Variants in ZDHHC14 observed in about 807,000 individuals in gnomAD.
The protein encoded by ZDHHC14 is zDHHC palmitoyltransferase 14.
A neutral mutation model predicts 47.7 loss-of-function variants in ZDHHC14; 16 were observed. That is an observed-to-expected ratio of 0.34 (90% confidence interval 0.23 to 0.51). The LOEUF (loss-of-function observed/expected upper bound fraction) is 0.51, where lower values mean the gene tolerates loss of function less well. ZDHHC14 is among the 20% of genes least tolerant of loss of function. The probability of loss-of-function intolerance (pLI) is 0.97; values close to 1 mark genes in which losing one functional copy is unlikely to be tolerated. For synonymous variants in ZDHHC14, 293 were observed against 278.9 expected, an observed-to-expected ratio of 1.05 and a Z score of -0.50; for missense variants, 515 against 662.5, an observed-to-expected ratio of 0.78 and a Z score of 2.44.
chr6:157,447,409 C>T (rs140523913), intron 1 of ZDHHC14, among the ~76,000 whole-genome samples: 84 of 152,304 alleles, frequency 5.5e-4, no homozygotes, highest in African/African-American at 1.9e-3. Flanking sequence ...GAGCCCCTTA[C>T]GGAGGCTGCA....
chr6:157,383,751 G>C (rs1777259082), intron 1 of ZDHHC14, among the ~76,000 whole-genome samples: 1 of 152,200 alleles, frequency 6.6e-6, no homozygotes, highest in Non-Finnish European at 1.5e-5. Flanking sequence ...TTTAGGTTCT[G>C]TGTCTGTTTG....
Position 157,542,653 on chromosome 6 carries a change from T to C in ZDHHC14, c.314T>C (p.Val105Ala), listed in dbSNP as rs1407764708. 2 of 1,614,070 alleles carry C rather than the reference T, an allele frequency of 1.2e-6. No individual in the cohort carries two copies. Among genetic ancestry groups the C allele is most frequent in the Admixed American group, 3.3e-5 (2 of 60,004 alleles). ...PAVAGILFFF[V>A]MGTLLRTSFS... ...GTCGCTGGCATCCTGTTCTTCTTTG[T>C]GATGGGGACCCTGCTCCGCACCAGC... The change falls in exon 2 of 9, where the codon GTG becomes GCG. Residue 105 changes from valine (V) to alanine (A), a missense_variant. By Grantham distance (64) the Val-to-Ala change is moderately conservative. This residue lies in a region of ZDHHC14 where 229 missense variants were observed against 351.5 expected (regional missense o/e 0.65). Coordinates refer to ENST00000359775, the MANE Select transcript of ZDHHC14 (RefSeq NM_024630.3).
At chr6:157,478,396 T>C (rs1264945508) in intron 1 of ZDHHC14, among the ~76,000 whole-genome samples, 1 of 152,254 alleles carries the variant, frequency 6.6e-6, no homozygotes, top group East Asian at 1.9e-4. Context: ...AATCTTACTC[T>C]CTTACCTTTT....
chr6:157,460,057 C>CAAAA (rs35995673), intron 1 of ZDHHC14, among the ~76,000 whole-genome samples: 1 of 118,190 alleles, frequency 8.5e-6, no homozygotes, highest in Non-Finnish European at 1.7e-5. Context: ...ACTAAAAATA[C>CAAAA]AAAAAAAAAA....
chr6:157,453,224 C>G (rs979520404), intron 1 of ZDHHC14, among the ~76,000 whole-genome samples: 1 of 152,200 alleles, frequency 6.6e-6, no homozygotes, highest in African/African-American at 2.4e-5. Flanking sequence ...ATCTCTACTT[C>G]TCATCTATGT....
At chr6:157,591,771 A>G (rs1281412428) in intron 2 of ZDHHC14, among the ~76,000 whole-genome samples, 1 of 152,140 alleles carries the variant, frequency 6.6e-6, no homozygotes, top group Non-Finnish European at 1.5e-5. Flanking sequence ...GATTCCTACC[A>G]CTTTGGAAAT....
At chr6:157,466,033 T>A (rs754997339) in intron 1 of ZDHHC14, among the ~76,000 whole-genome samples, 11 of 151,736 alleles carry the variant, frequency 7.2e-5, no homozygotes, top group Non-Finnish European at 1.5e-4. Context: ...CAGAGTGAGA[T>A]TCTGTCTCAA....
intron 1 of ZDHHC14, among the ~76,000 whole-genome samples, chr6:157,459,934 G>A (rs958576444): frequency 9.3e-5 from 14 of 151,182 alleles, no homozygotes; most frequent in Non-Finnish European, 1.3e-4. Flanking sequence ...AAATTAGGCC[G>A]GGCGTGGTGT....
At chr6:157,485,536 T>G (rs1185331769) in intron 1 of ZDHHC14, among the ~76,000 whole-genome samples, 1 of 152,192 alleles carries the variant, frequency 6.6e-6, no homozygotes, top group Non-Finnish European at 1.5e-5. Context: ...GGCTTTATGG[T>G]TTTTCTCCCT....
chr6:157,596,769 C>T (rs1784150743), intron 3 of ZDHHC14, among the ~76,000 whole-genome samples: 1 of 152,194 alleles, frequency 6.6e-6, no homozygotes, highest in Non-Finnish European at 1.5e-5. Context: ...GTGCCCACCA[C>T]AGCACCCAGC....
intron 1 of ZDHHC14, among the ~76,000 whole-genome samples, chr6:157,525,454 C>A (rs1430843644): frequency 6.6e-6 from 1 of 152,232 alleles, no homozygotes; most frequent in African/African-American, 2.4e-5. Flanking sequence ...GCATGAGCCA[C>A]TGCACCTGGC....
chr6:157,401,603 T>C (rs1372291277), intron 1 of ZDHHC14, among the ~76,000 whole-genome samples: 1 of 145,082 alleles, frequency 6.9e-6, no homozygotes. Flanking sequence ...GAGGTCTCAC[T>C]GCAGTAGTGA....
At chr6:157,454,338 A>T (rs902772302) in intron 1 of ZDHHC14, among the ~76,000 whole-genome samples, 7 of 152,226 alleles carry the variant, frequency 4.6e-5, no homozygotes, top group Non-Finnish European at 5.9e-5. Context: ...GTCTTCTAAC[A>T]TCAAGGAGTA....
rs190736314 is a variant in ZDHHC14, at chr6:157,543,691, C to T, written c.406+946C>T. Among the ~76,000 whole-genome samples, 25 of 152,330 alleles carry T rather than the reference C, an allele frequency of 1.6e-4. No homozygotes were observed. In the East Asian group the frequency reaches 4.0e-3, roughly 25 times the overall value. On this transcript the variant is annotated intron_variant, in intron 2 of 8. Transcript: ENST00000359775. ...CTAAAGCACAGCTTTGTCCTTCTCT[C>T]GACATCTGCCTTCATCCTTCATCCC...
chr6:157,626,484 T>G (rs1009523187), intron 3 of ZDHHC14, among the ~76,000 whole-genome samples: 10 of 152,168 alleles, frequency 6.6e-5, no homozygotes, highest in African/African-American at 2.2e-4. Context: ...GAAATGAGGT[T>G]TGTTCGTTGT....
At position 157,392,042 on chromosome 6, in the gene ZDHHC14, G is replaced by A. The variant is rs767594808; in HGVS notation, c.245+9776G>A. ...TTTGCTGTCATTTTGTATGTAATGC[G>A]GAATCTGCAAGACTTCCATTTTACA... On this transcript the variant is annotated intron_variant, in intron 1 of 8. Coordinates refer to ENST00000359775, the MANE Select transcript of ZDHHC14 (RefSeq NM_024630.3). Among the ~76,000 whole-genome samples the A allele has an allele frequency of 5.3e-5, 8 of 152,082 alleles. No homozygotes were observed. The South Asian group carries it at 1.0e-3, about 20-fold the overall frequency.
chr6:157,461,591 G>A lies in ZDHHC14; in HGVS notation c.245+79325G>A, dbSNP rs146664517. 2.9e-3 allele frequency among the ~76,000 whole-genome samples: 448 copies of A among 152,284 alleles called. 2 individuals are homozygous for A. The highest frequency in any genetic ancestry group is 0.01 in the African/African-American group (436 of 41,556). On this transcript the variant is annotated intron_variant, in intron 1 of 8. Coordinates refer to ENST00000359775, the MANE Select transcript of ZDHHC14 (RefSeq NM_024630.3). The stretch of plus-strand genomic sequence containing the variant: ...TGCCCCTGAGTTCCTAGTTATCTCT[G>A]TAACAGCAGCTACACCTTGGGTTAG...
chr6:157,630,374 TGTC>T (rs990027125), intron 4 of ZDHHC14: 2 of 152,106 alleles, frequency 1.3e-5, no homozygotes, highest in African/African-American at 4.8e-5. Context: ...GCATTGTGGA[TGTC>T]AAGGGCCAGT....
intron 1 of ZDHHC14, among the ~76,000 whole-genome samples, chr6:157,402,891 T>G (rs1488395079): frequency 6.6e-6 from 1 of 152,178 alleles, no homozygotes; most frequent in African/African-American, 2.4e-5. Flanking sequence ...CACACCTGGC[T>G]AGTTTTTAAA....
Sources: gnomAD v4.1 joint callset for allele counts (sites outside exome capture counted in the v4.1 genomes callset) on GRCh38, gnomAD v4.1.1 for gene constraint, gnomAD v4.1.1 regional missense constraint, MANE v1.5 for transcripts, NCBI Gene and HGNC (gene_info 2026-07-23, HGNC 2026-07-21) for gene names.